NCKAP5: variants seen among roughly 807,000 people sequenced by gnomAD.
NCKAP5 encodes NCK associated protein 5, also known as nck-associated protein 5.
In NCKAP5, 92 loss-of-function variants were observed where a neutral mutation model predicts 167.0. The observed-to-expected ratio is 0.55, with a 90% confidence interval of 0.47 to 0.66. NCKAP5 has a LOEUF of 0.66. NCKAP5 is among the 30% of genes least tolerant of loss of function. NCKAP5 has a pLI of 0.00. For synonymous variants in NCKAP5, 891 were observed against 877.4 expected, an observed-to-expected ratio of 1.02 and a Z score of -0.27; for missense variants, 2,378 against 2,315.0, an observed-to-expected ratio of 1.03 and a Z score of -0.56.
At chr2:132,760,852 C>A (rs979648955) in intron 16 of NCKAP5, among the ~76,000 whole-genome samples, 5 of 152,096 alleles carry the variant, frequency 3.3e-5, no homozygotes, top group African/African-American at 1.2e-4. Context: ...AAAATACTAA[C>A]CTTCTGCCAT....
intron 3 of NCKAP5, among the ~76,000 whole-genome samples, chr2:133,311,503 C>T (rs997698493): frequency 6.6e-6 from 1 of 152,114 alleles, no homozygotes; most frequent in South Asian, 2.1e-4. Flanking sequence ...CTGATTACAT[C>T]ATTGGCCATT....
At chr2:133,244,550 C>A (rs2087881123) in intron 4 of NCKAP5, among the ~76,000 whole-genome samples, 2 of 151,934 alleles carry the variant, frequency 1.3e-5, no homozygotes, top group Non-Finnish European at 2.9e-5. Context: ...TTAACCACAC[C>A]TTAAGAAATG....
rs759103108 is a variant in NCKAP5 at position 132,782,763 on chromosome 2, C to G, written c.4048G>C (p.Gly1350Arg). Reference protein sequence around the residue: ...RPSGHPSSGKGSLGSSGSFSS... With the variant: ...RPSGHPSSGKRSLGSSGSFSS... ...AAGCTGCCTGAGCTCCCCAGGGAGC[C>G]CTTCCCGGAGGAGGGGTGCCCCGAG... The change falls in exon 14 of 20, where the codon GGC becomes CGC. Residue 1350 changes from glycine (G) to arginine (R), a missense_variant. By Grantham distance (125) the Gly-to-Arg change is moderately radical. Transcript: ENST00000409261. 3.7e-6 allele frequency: 6 copies of G among 1,613,868 alleles called. No individual in the cohort carries two copies. The highest frequency in any genetic ancestry group is 5.1e-6 in the Non-Finnish European group (6 of 1,179,804).
chr2:133,015,461 C>T (rs559041447), intron 6 of NCKAP5, among the ~76,000 whole-genome samples: 24 of 151,904 alleles, frequency 1.6e-4, no homozygotes, highest in Admixed American at 1.6e-3. Flanking sequence ...GCTCAAATCC[C>T]AACTCCTCCA....
intron 2 of NCKAP5, among the ~76,000 whole-genome samples, chr2:133,534,627 G>A (rs937717273): frequency 2.6e-5 from 4 of 152,084 alleles, no homozygotes; most frequent in Non-Finnish European, 5.9e-5. Flanking sequence ...TTCGCATCAT[G>A]TTTTCAGGAA....
chr2:133,354,661 T>G (rs1277984748), intron 3 of NCKAP5, among the ~76,000 whole-genome samples: 1 of 152,204 alleles, frequency 6.6e-6, no homozygotes, highest in Non-Finnish European at 1.5e-5. Flanking sequence ...ACAGAATACC[T>G]CTACCAAAAT....
At chr2:133,234,652 C>T (rs955967276) in intron 4 of NCKAP5, among the ~76,000 whole-genome samples, 1 of 152,088 alleles carries the variant, frequency 6.6e-6, no homozygotes, top group African/African-American at 2.4e-5. Flanking sequence ...TCTCAGTTCT[C>T]GGCTATGGGC....
At chr2:133,161,687 A>G (rs1242677225) in intron 5 of NCKAP5, among the ~76,000 whole-genome samples, 1 of 152,226 alleles carries the variant, frequency 6.6e-6, no homozygotes, top group Non-Finnish European at 1.5e-5. Context: ...TGAATTTCTC[A>G]TGTGAAATTT....
intron 3 of NCKAP5, among the ~76,000 whole-genome samples, chr2:133,362,426 G>T (rs925572266): frequency 4.6e-5 from 7 of 152,114 alleles, no homozygotes; most frequent in African/African-American, 1.7e-4. Context: ...AGTCAGAGGG[G>T]CCCCATATTA....
chr2:133,614,980 G>C, the NCKAP5 span, among the ~76,000 whole-genome samples: 10 of 152,142 alleles, frequency 6.6e-5, no homozygotes, highest in African/African-American at 2.4e-4. Flanking sequence ...CCAGAAGAGA[G>C]TGGGGGCCAA....
At chr2:133,246,269 A>T (rs971709773) in intron 4 of NCKAP5, among the ~76,000 whole-genome samples, 4 of 151,992 alleles carry the variant, frequency 2.6e-5, no homozygotes, top group African/African-American at 9.7e-5. Flanking sequence ...AAAAAAAAAA[A>T]ATCACTGTCT....
At chr2:132,890,728 C>T (rs1250454200) in intron 8 of NCKAP5, among the ~76,000 whole-genome samples, 3 of 152,144 alleles carry the variant, frequency 2.0e-5, no homozygotes, top group Non-Finnish European at 4.4e-5. Flanking sequence ...TCTTATCACA[C>T]CTGGCTGCCA....
chr2:133,219,190 C>T (rs557874277), intron 4 of NCKAP5, among the ~76,000 whole-genome samples: 35 of 152,252 alleles, frequency 2.3e-4, no homozygotes, highest in African/African-American at 7.7e-4. Flanking sequence ...ACAGGTGATG[C>T]AAACATGGAA....
At chr2:133,380,203 C>T (rs750704086) in intron 3 of NCKAP5, among the ~76,000 whole-genome samples, 1 of 152,048 alleles carries the variant, frequency 6.6e-6, no homozygotes, top group Non-Finnish European at 1.5e-5. Context: ...GGGCACACAC[C>T]AACCCATTCA....
chr2:132,990,686 AG>A (rs1464359330), intron 7 of NCKAP5, among the ~76,000 whole-genome samples: 1 of 152,230 alleles, frequency 6.6e-6, no homozygotes, highest in Admixed American at 6.5e-5. Flanking sequence ...TTGGAGAGAT[AG>A]ACTGGAAAGA....
intron 3 of NCKAP5, among the ~76,000 whole-genome samples, chr2:133,339,640 G>GA (rs937630460): frequency 6.6e-6 from 1 of 152,100 alleles, no homozygotes; most frequent in Non-Finnish European, 1.5e-5. Flanking sequence ...TACCAATGGG[G>GA]AAAAAATAAT....
chr2:133,620,931 C>T, the NCKAP5 span, among the ~76,000 whole-genome samples: 1 of 152,014 alleles, frequency 6.6e-6, no homozygotes, highest in East Asian at 1.9e-4. Context: ...TCTCTCAGAC[C>T]ACAGTGGAAT....
intron 16 of NCKAP5, among the ~76,000 whole-genome samples, chr2:132,765,401 G>A (rs1366588556): frequency 2.1e-5 from 3 of 143,820 alleles, no homozygotes; most frequent in Non-Finnish European, 4.5e-5. Context: ...TGCAATCTCT[G>A]CCTCCGGGGT....
chr2:133,259,051 C>T (rs973719240), intron 4 of NCKAP5, among the ~76,000 whole-genome samples: 2 of 152,148 alleles, frequency 1.3e-5, no homozygotes, highest in Non-Finnish European at 2.9e-5. Flanking sequence ...TACCGCTCCA[C>T]CTCCACCTCC....
Sources: gnomAD v4.1 joint callset for allele counts (sites outside exome capture counted in the v4.1 genomes callset) on GRCh38, gnomAD v4.1.1 for gene constraint, MANE v1.5 for transcripts, NCBI Gene and HGNC (gene_info 2026-07-23, HGNC 2026-07-21) for gene names.